Variants in ME2 observed in about 807,000 individuals in gnomAD.
The protein encoded by ME2 is malic enzyme 2.
Under a neutral mutation model 73.7 loss-of-function variants are expected in ME2, and 60 were observed. The observed-to-expected ratio is 0.81, with a 90% CI of 0.66 to 1.01. ME2 has a LOEUF of 1.01. Among genes scored for constraint, ME2 ranks in the 50% least tolerant of loss-of-function variants. ME2 has a pLI of 0.00. For synonymous variants in ME2, 199 were observed against 236.9 expected (o/e 0.84, Z 1.47); for missense variants, 594 against 705.5 (o/e 0.84, Z 1.79).
At chr18:50,918,892 A>T (rs1917354218) in intron 7 of ME2, among the ~76,000 whole-genome samples, 1 of 152,150 alleles carries the variant, frequency 6.6e-6, no homozygotes, top group Non-Finnish European at 1.5e-5. Flanking sequence ...AGAATCTTCC[A>T]TCTGGGTATT....
chr18:50,920,691 T>C lies in ME2; in HGVS notation c.875T>C (p.Leu292Pro). Residue 292 changes from leucine to proline, a missense_variant, in exon 9 of 16, where the codon CTT (leucine) becomes CCT (proline). Physicochemically the swap from Leu to Pro is moderately conservative, Grantham distance 98. Transcript: ENST00000321341. ...GCTGCAGTAGCTCTAGCAGGTCTTCTTGCAGCACAAAAAGTTATTAGTAAA... is the reference window on the plus strand; with the variant it reads ...GCTGCAGTAGCTCTAGCAGGTCTTCCTGCAGCACAAAAAGTTATTAGTAAA... ...GTAAVALAGLLAAQKVISKPI... is the reference protein window; with the variant it reads ...GTAAVALAGLPAAQKVISKPI... 1.2e-6 allele frequency: 2 copies of C among 1,612,450 alleles called. No individual in the cohort carries two copies. Among genetic ancestry groups the C allele is most frequent in the Non-Finnish European group, 1.7e-6 (2 of 1,179,720 alleles).
intron 1 of ME2, among the ~76,000 whole-genome samples, chr18:50,884,980 G>A (rs887449479): frequency 1.3e-5 from 2 of 152,070 alleles, no homozygotes; most frequent in African/African-American, 2.4e-5. Context: ...TCAGTCTCCC[G>A]AGTAGCTGGG....
rs967374282 is a variant in ME2 at position 50,919,092 on chromosome 18, G to T, written c.734+879G>T. Reference sequence around the variant, plus strand: ...TTCAGATATTCCTCAAATTCAGTGGGTACTACCACTTAAATGTCTCCTGTT... The same window carrying T: ...TTCAGATATTCCTCAAATTCAGTGGTTACTACCACTTAAATGTCTCCTGTT... On this transcript the variant is annotated intron_variant, in intron 7 of 15. Coordinates refer to ENST00000321341, the MANE Select transcript of ME2 (RefSeq NM_002396.5). Among the ~76,000 whole-genome samples the T allele has an allele frequency of 2.6e-5, 4 of 151,648 alleles. No individual in the cohort carries two copies. In the South Asian group the frequency reaches 6.2e-4, roughly 24 times the overall value.
At chr18:50,893,464 C>T (rs1443240016) in intron 1 of ME2, among the ~76,000 whole-genome samples, 1 of 152,134 alleles carries the variant, frequency 6.6e-6, no homozygotes, top group Non-Finnish European at 1.5e-5. Context: ...TGTTGTGTTA[C>T]CTTTCCCCTG....
intron 13 of ME2, among the ~76,000 whole-genome samples, chr18:50,938,331 AT>A (rs928000609): frequency 1.3e-5 from 2 of 151,776 alleles, no homozygotes; most frequent in Non-Finnish European, 1.5e-5. Context: ...TGCCAAAAAA[AT>A]TTTTTTTTAA....
chr18:50,900,537 C>T (rs868088347), intron 2 of ME2, among the ~76,000 whole-genome samples: 90 of 152,174 alleles, frequency 5.9e-4, no homozygotes, highest in African/African-American at 2.1e-3. Context: ...CCACCTCAGC[C>T]TCCCAAAGTG....
intron 1 of ME2, among the ~76,000 whole-genome samples, chr18:50,885,481 G>A (rs908940488): frequency 6.6e-6 from 1 of 151,676 alleles, no homozygotes; most frequent in Non-Finnish European, 1.5e-5. Context: ...TTATACAACT[G>A]TATTCCAGCC....
intron 15 of ME2, among the ~76,000 whole-genome samples, chr18:50,946,081 A>G (rs1357149698): frequency 1.3e-5 from 2 of 151,688 alleles, no homozygotes; most frequent in Non-Finnish European, 2.9e-5. Context: ...AAATAAATAA[A>G]TAAATCCATA....
intron 2 of ME2, among the ~76,000 whole-genome samples, chr18:50,898,556 C>G (rs531675382): frequency 6.6e-6 from 1 of 152,054 alleles, no homozygotes. Flanking sequence ...CTCACCTTCC[C>G]GAGTAGCTGA....
rs563791607 is a variant in ME2 at position 50,889,332 on chromosome 18, G to T, written c.-12-6477G>T. ...GCCCTATCCATGAGCTTTGGGGAAGGGGGTGCTGGACATTAAGCTCTATAA... is the reference window on the plus strand; with the variant it reads ...GCCCTATCCATGAGCTTTGGGGAAGTGGGTGCTGGACATTAAGCTCTATAA... On this transcript the variant is annotated intron_variant, in intron 1 of 15. Coordinates refer to ENST00000321341, the MANE Select transcript of ME2 (RefSeq NM_002396.5). Among the ~76,000 whole-genome samples, 16 of 152,248 alleles carry T rather than the reference G, an allele frequency of 1.1e-4. No individual in the cohort carries two copies. In the South Asian group the frequency reaches 3.3e-3, roughly 32 times the overall value.
At chr18:50,898,677 C>G (rs1161118201) in intron 2 of ME2, among the ~76,000 whole-genome samples, 1 of 152,164 alleles carries the variant, frequency 6.6e-6, no homozygotes, top group South Asian at 2.1e-4. Flanking sequence ...AGGTGATCCG[C>G]CTGCCTTGGC....
chr18:50,913,957 TATA>T (rs1339157816), intron 4 of ME2, among the ~76,000 whole-genome samples: 7 of 152,052 alleles, frequency 4.6e-5, no homozygotes, highest in Admixed American at 3.3e-4. Flanking sequence ...TCTCAATCCT[TATA>T]ATATTTTCCC....
chr18:50,939,600 C>T lies in ME2; in HGVS notation c.1448C>T (p.Thr483Ile). 1 of 1,612,408 alleles carries T rather than the reference C, an allele frequency of 6.2e-7. No individual in the cohort carries two copies. The highest frequency in any genetic ancestry group is 8.5e-7 in the Non-Finnish European group (1 of 1,178,728). The change falls in exon 14 of 16, where the codon ACC becomes ATC. Residue 483 changes from threonine to isoleucine, a missense_variant. Transcript: ENST00000321341. ...GCTTTAGCTGTTATTCTCTGTAACA[C>T]CCGGCATATTAGTGACAGTGTTTTC... ...GVALAVILCNTRHISDSVFLE... is the reference protein window; with the variant it reads ...GVALAVILCNIRHISDSVFLE...
At chr18:50,911,133 A>G (rs912695512) in intron 3 of ME2, among the ~76,000 whole-genome samples, 5 of 152,230 alleles carry the variant, frequency 3.3e-5, no homozygotes, top group Non-Finnish European at 7.3e-5. Context: ...GAGGAGATCC[A>G]TGACTTGTAG....
intron 2 of ME2, among the ~76,000 whole-genome samples, chr18:50,904,007 G>T (rs1293480723): frequency 6.6e-6 from 1 of 152,206 alleles, no homozygotes; most frequent in East Asian, 1.9e-4. Flanking sequence ...AATTCTGTTA[G>T]CTCTGCTTCA....
In ME2 at chr18:50,940,287, G is replaced by C; in HGVS notation, c.1489-1G>C. 1 of 1,601,412 alleles carries C rather than the reference G, an allele frequency of 6.2e-7. No homozygotes were observed. Among genetic ancestry groups the C allele is most frequent in the Non-Finnish European group, 8.5e-7 (1 of 1,175,528 alleles). Reference sequence around the variant, plus strand: ...AAGCAAAATGCTGTTTTTCTCTTCAGGCCCTGACAAGCCAATTGACAGATG... The same window carrying C: ...AAGCAAAATGCTGTTTTTCTCTTCACGCCCTGACAAGCCAATTGACAGATG... On this transcript the variant is annotated splice_acceptor_variant, in intron 14 of 15. Transcript: ENST00000321341. LOFTEE classifies it high-confidence loss of function.
At chr18:50,886,865 G>A (rs1916485758) in intron 1 of ME2, among the ~76,000 whole-genome samples, 1 of 152,096 alleles carries the variant, frequency 6.6e-6, no homozygotes, top group Admixed American at 6.5e-5. Flanking sequence ...AGCCGGGCAT[G>A]GTGGTGCATG....
In ME2 at chr18:50,948,777, C is replaced by G. The variant is rs550580642; in HGVS notation, c.*1593C>G. On this transcript the variant is annotated 3_prime_UTR_variant, in exon 16 of 16. Transcript: ENST00000321341. The stretch of plus-strand genomic sequence containing the variant: ...CAGGAGGGTCTCGATTTCCTGACCT[C>G]GCGATCCGCCCACCTCAGCCTTCCA... 1.3e-5 allele frequency: 2 copies of G among 150,884 alleles called. No individual in the cohort carries two copies. Among genetic ancestry groups the G allele is most frequent in the Non-Finnish European group, 2.9e-5 (2 of 67,910 alleles). The allele number at this position is 150,884 out of a possible 1,614,324, so 9.3% of individuals were successfully genotyped here.
Position 50,947,265 on chromosome 18 carries a change from T to C in ME2, c.*81T>C, listed in dbSNP as rs1918108061. On this transcript the variant is annotated 3_prime_UTR_variant, in exon 16 of 16. Coordinates refer to ENST00000321341, the MANE Select transcript of ME2 (RefSeq NM_002396.5). ...AGAAGAGATAATGTCTTCAGTTTTA[T>C]GGTGTTTTCTGTGTTTTGTTCTCCC... 1.4e-6 allele frequency: 2 copies of C among 1,415,898 alleles called. No homozygotes were observed. Among genetic ancestry groups the C allele is most frequent in the African/African-American group, 1.4e-5 (1 of 69,312 alleles). The allele number at this position is 1,415,898 out of a possible 1,614,324, so 87.7% of individuals were successfully genotyped here. A position where few individuals can be genotyped will look rare whatever the true frequency, so the allele number is the denominator to read the frequency against.
Sources: allele counts gnomAD v4.1 joint callset (sites outside exome capture counted in the v4.1 genomes callset), GRCh38; gene constraint gnomAD v4.1.1; transcripts MANE v1.5; gene names NCBI Gene and HGNC (gene_info 2026-07-23, HGNC 2026-07-21).